Variants in EFNB1 observed in about 807,000 individuals in gnomAD.
EFNB1 encodes the protein ephrin-B1.
In EFNB1, 1 loss-of-function variant was observed where a neutral mutation model predicts 18.1. The observed-to-expected ratio is 0.06, with a 90% CI of 0.02 to 0.26. The LOEUF (loss-of-function observed/expected upper bound fraction) is 0.26, where lower values mean the gene tolerates loss of function less well. Ranked by LOEUF, EFNB1 falls within the 10% of genes least tolerant of loss-of-function variation. EFNB1 has a pLI of 1.00. For missense variants in EFNB1, 221 were observed against 301.8 expected (o/e 0.73, Z 1.98); for synonymous variants, 131 against 127.5 (o/e 1.03, Z -0.19).
chrX:68,838,131 ATGTGTGTGTG>A (rs1193927663), intron 1 of EFNB1, among the ~76,000 whole-genome samples: 66 of 55,553 alleles, frequency 1.2e-3, no homozygotes, highest in African/African-American at 4.4e-3. Context: ...GTGTGTGTGT[ATGTGTGTGTG>A]TGTGTGTGTG....
In EFNB1 at chrX:68,840,935, C is replaced by T; in HGVS notation, c.*281C>T. On this transcript the variant is annotated 3_prime_UTR_variant, in exon 5 of 5. Transcript: ENST00000204961. ...GGCAGGGCTGGACACTGATGGACAG[C>T]AGGCAGGGAGACAGTCCCCTGGCCC... 2 of 397,130 alleles carry T rather than the reference C, an allele frequency of 5.0e-6. No homozygotes were observed. The highest frequency in any genetic ancestry group is 8.8e-6 in the Non-Finnish European group (2 of 227,181). The allele number at this position is 397,130 out of a possible 1,213,427, so 32.7% of individuals were successfully genotyped here. A position where few individuals can be genotyped will look rare whatever the true frequency, so the allele number is the denominator to read the frequency against.
At chrX:68,830,722 A>G (rs191767786) in intron 1 of EFNB1, among the ~76,000 whole-genome samples, 109 of 113,128 alleles carry the variant, frequency 9.6e-4, no homozygotes, top group Non-Finnish European at 1.8e-3. Flanking sequence ...ATTCCTGCCC[A>G]GGCAGGTCCC....
chrX:68,832,514 C>T (rs1455227364), intron 1 of EFNB1, among the ~76,000 whole-genome samples: 1 of 110,583 alleles, frequency 9.0e-6, no homozygotes, highest in Non-Finnish European at 1.9e-5. Flanking sequence ...TTAATTGCTT[C>T]CTTCTTGGGA....
intron 1 of EFNB1, among the ~76,000 whole-genome samples, chrX:68,831,494 CA>C (rs1371970537): frequency 1.8e-5 from 2 of 111,341 alleles, no homozygotes; most frequent in African/African-American, 6.6e-5. Context: ...TGCTTGAGCC[CA>C]GGGGGGAACG....
In EFNB1 at chrX:68,835,844, G is replaced by T. The variant is rs375094156; in HGVS notation, c.129-2773G>T. Among the ~76,000 whole-genome samples the T allele has an allele frequency of 2.7e-5, 3 of 111,467 alleles. No individual in the cohort carries two copies. The South Asian group carries it at 1.1e-3, about 43-fold the overall frequency. On this transcript the variant is annotated intron_variant, in intron 1 of 4. Coordinates refer to ENST00000204961, the MANE Select transcript of EFNB1 (RefSeq NM_004429.5). ...GACATCTGTTTCCTCAATGCCTCTG[G>T]CTTCAAGGTAGAACCCCAATTAGCT...
Position 68,838,644 on chromosome X carries a change from C to A in EFNB1, c.156C>A (p.Ile52=). ...PKFLSGKGLV[I]YPKIGDKLDI... ...TCCTGAGTGGGAAGGGCTTGGTGAT[C>A]TATCCGAAAATTGGAGACAAGCTGG... Residue 52 remains isoleucine (I), a synonymous_variant, in exon 2 of 5, where the codon ATC becomes ATA. Coordinates refer to ENST00000204961, the MANE Select transcript of EFNB1 (RefSeq NM_004429.5). 8.3e-7 allele frequency: 1 copy of A among 1,211,825 alleles called. No homozygotes were observed. The highest frequency in any genetic ancestry group is 1.1e-6 in the Non-Finnish European group (1 of 895,551).
At chrX:68,830,690 G>A (rs1470166771) in intron 1 of EFNB1, among the ~76,000 whole-genome samples, 1 of 112,794 alleles carries the variant, frequency 8.9e-6, no homozygotes, top group Non-Finnish European at 1.9e-5. Context: ...AGCTGTTGAG[G>A]GAGGTGGGTG....
chrX:68,830,033 C>T, intron 1 of EFNB1, 129 bp downstream of exon 1: 2 of 945,558 alleles, frequency 2.1e-6, no homozygotes, highest in Non-Finnish European at 2.9e-6. Flanking sequence ...CCGGCTTTTT[C>T]GAGTGTTTTC....
intron 1 of EFNB1, among the ~76,000 whole-genome samples, chrX:68,833,108 G>C (rs1368273008): frequency 5.4e-5 from 6 of 110,556 alleles, no homozygotes; most frequent in Non-Finnish European, 1.1e-4. Context: ...TGGCATCCAG[G>C]ACCCTTGACT....
rs370977525 is a variant in EFNB1, at chrX:68,840,573, G to C, written c.960G>C (p.Val320=). The C allele has an allele frequency of 4.1e-6, 5 of 1,209,480 alleles. No homozygotes were observed. Among genetic ancestry groups the C allele is most frequent in the East Asian group, 5.9e-5 (2 of 33,729 alleles). The part of the protein sequence containing the change: ...ENNYCPHYEK[V]SGDYGHPVYI... ...ACTACTGCCCCCACTATGAGAAGGT[G>C]AGTGGGGACTACGGGCACCCTGTCT... The change falls in exon 5 of 5, where the codon GTG becomes GTC. Residue 320 remains valine, a synonymous_variant. Coordinates refer to ENST00000204961, the MANE Select transcript of EFNB1 (RefSeq NM_004429.5).
intron 3 of EFNB1, 48 bp from the exon 4 acceptor site, chrX:68,839,912 T>G: frequency 8.3e-7 from 1 of 1,210,766 alleles, no homozygotes; most frequent in Non-Finnish European, 1.1e-6. Flanking sequence ...TGAGGGCACC[T>G]ATGCTGGCCG....
Position 68,841,092 on chromosome X carries a change from A to G in EFNB1, c.*438A>G. On this transcript the variant is annotated 3_prime_UTR_variant, in exon 5 of 5. Coordinates refer to ENST00000204961, the MANE Select transcript of EFNB1 (RefSeq NM_004429.5). ...CTGTTTTTTGAAGAAAAATGGAAAA[A>G]TGTAAAAGGCAGCCCCTCCCCAGGC... is the stretch of plus-strand genomic sequence containing the variant. 6.5e-6 allele frequency: 1 copy of G among 154,010 alleles called. No individual in the cohort carries two copies. The highest frequency in any genetic ancestry group is 1.6e-4 in the East Asian group (1 of 6,349). 12.7% of individuals were successfully genotyped at this position (154,010 alleles called of 1,213,427 possible).
At chrX:68,832,523 GA>G (rs76236843) in intron 1 of EFNB1, among the ~76,000 whole-genome samples, 2,469 of 108,190 alleles carry the variant, frequency 0.023, 79 homozygotes, top group African/African-American at 0.079. Flanking sequence ...TCCTTCTTGG[GA>G]AAAAAAAAAT....
intron 4 of EFNB1, 68 bp from the exon 5 acceptor site, chrX:68,840,171 GCCT>G: frequency 8.3e-7 from 1 of 1,210,026 alleles, no homozygotes; most frequent in East Asian, 3.0e-5. Flanking sequence ...TGCAAGCTGG[GCCT>G]GGCCTGAAAT....
chrX:68,829,705 G>T lies in EFNB1; in HGVS notation c.-72G>T. The T allele has an allele frequency of 1.7e-6, 2 of 1,160,344 alleles. No homozygotes were observed. The highest frequency in any genetic ancestry group is 3.2e-5 in the East Asian group (1 of 30,795). On this transcript the variant is annotated 5_prime_UTR_variant, in exon 1 of 5. Transcript: ENST00000204961. Reference sequence around the variant, plus strand: ...CCTGAGCGGCTCCGAGCGCAGCGCGGCAGAGGAAGGCGAGGCGAGCTTTGG... The same window carrying T: ...CCTGAGCGGCTCCGAGCGCAGCGCGTCAGAGGAAGGCGAGGCGAGCTTTGG...
chrX:68,840,376 A>G lies in EFNB1; in HGVS notation c.763A>G (p.Ile255Val). 1.7e-6 allele frequency: 2 copies of G among 1,211,478 alleles called. No homozygotes were observed. Among genetic ancestry groups the G allele is most frequent in the Non-Finnish European group, 2.2e-6 (2 of 895,447 alleles). The change falls in exon 5 of 5, where the codon ATC becomes GTC. Residue 255 changes from isoleucine to valine, a missense_variant. Coordinates refer to ENST00000204961, the MANE Select transcript of EFNB1 (RefSeq NM_004429.5). The part of the protein sequence containing the change: ...GAGCVIFLLI[I>V]IFLTVLLLKL... ...CGGTTGCGTCATCTTCCTGCTCATC[A>G]TCATCTTCCTGACGGTCCTACTACT...
At position 68,829,770 on chromosome X, in the gene EFNB1, C is replaced by T. The variant is rs768720228; in HGVS notation, c.-7C>T. 8.4e-7 allele frequency: 1 copy of T among 1,189,658 alleles called. No individual in the cohort carries two copies. The highest frequency in any genetic ancestry group is 2.3e-5 in the Admixed American group (1 of 42,737). On this transcript the variant is annotated 5_prime_UTR_variant, in exon 1 of 5. Coordinates refer to ENST00000204961, the MANE Select transcript of EFNB1 (RefSeq NM_004429.5). ...GGGATCCCGAAGTGCAGTCTGCCCC[C>T]GGGAAGATGGCTCGGCCTGGGCAGC...
intron 1 of EFNB1, among the ~76,000 whole-genome samples, chrX:68,830,503 C>T (rs2080441962): frequency 8.8e-6 from 1 of 113,181 alleles, no homozygotes; most frequent in Admixed American, 9.2e-5. Flanking sequence ...TCCTTTCTCC[C>T]TGCCGGAGCG....
chrX:68,839,127 A>G (rs1193837658), intron 2 of EFNB1, among the ~76,000 whole-genome samples: 1 of 112,203 alleles, frequency 8.9e-6, no homozygotes, highest in Non-Finnish European at 1.9e-5. Flanking sequence ...GAGGTCTCCA[A>G]TTCGTGTTGC....
Sources: gnomAD v4.1 joint callset for allele counts (sites outside exome capture counted in the v4.1 genomes callset) on GRCh38, gnomAD v4.1.1 for gene constraint, MANE v1.5 for transcripts, NCBI Gene and HGNC (gene_info 2026-07-23, HGNC 2026-07-21) for gene names.